SNU13: variants seen among roughly 807,000 people sequenced by gnomAD.
SNU13 encodes small nuclear ribonucleoprotein 13, also known as NHP2-like protein 1.
In SNU13, 2 loss-of-function variants were observed where a neutral mutation model predicts 12.4. That is an observed-to-expected ratio of 0.16 (90% CI 0.07 to 0.51). The LOEUF (loss-of-function observed/expected upper bound fraction) is 0.51. Ranked by LOEUF, SNU13 falls within the 20% of genes least tolerant of loss-of-function variation. SNU13 has a pLI of 0.96. For missense variants in SNU13, 66 were observed against 157.8 expected (o/e 0.42, Z 3.12); for synonymous variants, 68 against 66.5 (o/e 1.02, Z -0.11).
At chr22:41,678,257 G>A (rs1601570271) in intron 2 of SNU13, among the ~76,000 whole-genome samples, 1 of 151,972 alleles carries the variant, frequency 6.6e-6, no homozygotes, top group Non-Finnish European at 1.5e-5. Flanking sequence ...TTACAGGTGT[G>A]AGCCACCGCG....
intron 1 of SNU13, among the ~76,000 whole-genome samples, chr22:41,684,415 T>C (rs2068293244): frequency 6.6e-6 from 1 of 152,208 alleles, no homozygotes; most frequent in Non-Finnish European, 1.5e-5. Context: ...TCCCTAGCAT[T>C]AGCATCTTAG....
At chr22:41,682,267 A>T in intron 1 of SNU13, 1 of 1,399,806 alleles carries the variant, frequency 7.1e-7, no homozygotes, top group Non-Finnish European at 1.0e-6. Flanking sequence ...CCGTTTTTTT[A>T]CAGCTTTTCT....
chr22:41,682,520 T>C lies in SNU13; in HGVS notation c.4-2156A>G, dbSNP rs1417680615. ...GGAAGTGACGTCCAGGGCCAGCCCG[T>C]ACACCAGGACGCCCTGTCTTCTACG... On this transcript the variant is annotated intron_variant, in intron 1 of 2. Transcript: ENST00000401959. The C allele has an allele frequency of 5.2e-6, 8 of 1,528,550 alleles. No homozygotes were observed. The African/African-American group carries it at 8.2e-5, about 16-fold the overall frequency. 94.7% of individuals were successfully genotyped at this position (1,528,550 alleles called of 1,614,324 possible).
At chr22:41,689,582 C>G (rs565821450), upstream of SNU13, among the ~76,000 whole-genome samples, 3 of 151,824 alleles carry the variant, frequency 2.0e-5, no homozygotes, top group African/African-American at 7.3e-5. Context: ...AGGAGAATGC[C>G]GTGAACCCCG....
rs1024854181 is a variant in SNU13, at chr22:41,686,038, G to A, written c.3+2756C>T. ...TTGCCCTGGGTGGTCTCCAATTCCT[G>A]GGCTAAAGAGATTCTCTCGCCTCAG... On this transcript the variant is annotated intron_variant, in intron 1 of 2. Coordinates refer to ENST00000401959, the MANE Select transcript of SNU13 (RefSeq NM_001003796.2). Among the ~76,000 whole-genome samples the A allele has an allele frequency of 2.6e-5, 4 of 151,688 alleles. No individual in the cohort carries two copies. In the South Asian group the frequency reaches 6.2e-4, roughly 24 times the overall value.
rs138867417 is a variant in SNU13, at chr22:41,688,659, T to G, written c.3+135A>C. 1.4e-4 allele frequency: 186 copies of G among 1,286,048 alleles called. No homozygotes were observed. The East Asian group carries it at 3.2e-3, about 22-fold the overall frequency. 79.7% of individuals were successfully genotyped at this position (1,286,048 alleles called of 1,614,324 possible). A position where few individuals can be genotyped will look rare whatever the true frequency, so the allele number is the denominator to read the frequency against. On this transcript the variant is annotated intron_variant, in intron 1 of 2. Transcript: ENST00000401959. ...ACCCCGCCGCTGCTGGGGTTCTAACTAAGGGCCCGGCGGTTAAGACCCAAC... is the reference window on the plus strand; with the variant it reads ...ACCCCGCCGCTGCTGGGGTTCTAACGAAGGGCCCGGCGGTTAAGACCCAAC...
upstream of SNU13, chr22:41,689,365 TCA>T (rs2068341199): frequency 5.3e-5 from 1 of 18,854 alleles, no homozygotes. Context: ...AGCGAGACTC[TCA>T]AAAAAAAAAA....
chr22:41,675,250 C>T (rs1484567178), intron 2 of SNU13, 55 bp from the exon 3 acceptor site: 2 of 1,586,282 alleles, frequency 1.3e-6, no homozygotes, highest in Non-Finnish European at 1.7e-6. Context: ...GCAGGGCAGC[C>T]ACAACAAACT....
At chr22:41,687,785 C>G (rs768333332) in intron 1 of SNU13, 1 of 152,224 alleles carries the variant, frequency 6.6e-6, no homozygotes, top group African/African-American at 2.4e-5. Flanking sequence ...TCACAACACC[C>G]TCATGCACTG....
chr22:41,689,625 C>T (rs575848032), upstream of SNU13, among the ~76,000 whole-genome samples: 3 of 150,536 alleles, frequency 2.0e-5, no homozygotes, highest in African/African-American at 7.3e-5. Context: ...GAGATCGCAC[C>T]ACTGCACACT....
At chr22:41,690,007 T>G (rs1280537385), upstream of SNU13, among the ~76,000 whole-genome samples, 2 of 151,738 alleles carry the variant, frequency 1.3e-5, no homozygotes, top group Non-Finnish European at 2.9e-5. Flanking sequence ...TTCCAGCCAC[T>G]AAACAGTTAA....
In SNU13 at chr22:41,675,428, CTTT is replaced by C. The variant is rs879315245; in HGVS notation, c.125-236_125-234del. On this transcript the variant is annotated intron_variant, in intron 2 of 2. Transcript: ENST00000401959. ...CTGAATCTGACCACTTCTTCTTCTT[CTTT>C]TTTTTTTTTGAGATGGAGTCTTGCT... 2.7e-5 allele frequency among the ~76,000 whole-genome samples: 4 copies of C among 146,696 alleles called. No homozygotes were observed. The East Asian group carries it at 7.9e-4, about 29-fold the overall frequency.
At chr22:41,677,384 G>A (rs2068223282) in intron 2 of SNU13, among the ~76,000 whole-genome samples, 1 of 152,046 alleles carries the variant, frequency 6.6e-6, no homozygotes, top group South Asian at 2.1e-4. Flanking sequence ...AATTAGCCAG[G>A]TGTGGTGGCG....
chr22:41,682,965 G>T (rs879635262), intron 1 of SNU13, among the ~76,000 whole-genome samples: 2 of 151,254 alleles, frequency 1.3e-5, no homozygotes, highest in Non-Finnish European at 2.9e-5. Context: ...TCTTTTTAAT[G>T]TCTATAGAGT....
At chr22:41,684,709 G>C (rs1211720487) in intron 1 of SNU13, among the ~76,000 whole-genome samples, 1 of 152,178 alleles carries the variant, frequency 6.6e-6, no homozygotes, top group African/African-American at 2.4e-5. Context: ...AACGTTCCAT[G>C]TTTGAAGAGT....
chr22:41,681,138 TTAAAG>T (rs968645534), intron 1 of SNU13: 2 of 152,206 alleles, frequency 1.3e-5, no homozygotes, highest in Non-Finnish European at 2.9e-5. Context: ...TTCCAACACA[TTAAAG>T]TATTTCCTCA....
chr22:41,690,327 C>T, upstream of SNU13: 1 of 701,982 alleles, frequency 1.4e-6, no homozygotes, highest in Non-Finnish European at 2.7e-6. Flanking sequence ...TTATATCACC[C>T]CATCACACAT....
chr22:41,688,768 G>C, intron 1 of SNU13, 26 bp downstream of exon 1: 2 of 1,598,758 alleles, frequency 1.3e-6, no homozygotes, highest in Non-Finnish European at 1.7e-6. Flanking sequence ...CCGCTTCCCG[G>C]TCCCTCGGCC....
At position 41,678,322 on chromosome 22, in the gene SNU13, A is replaced by G. The variant is rs1197113593; in HGVS notation, c.124+1922T>C. ...AGGCATAAAACCTATGTCTTTCTCCACTGGAATGTATACTCCAAGAAGGCA... is the reference window on the plus strand; with the variant it reads ...AGGCATAAAACCTATGTCTTTCTCCGCTGGAATGTATACTCCAAGAAGGCA... On this transcript the variant is annotated intron_variant, in intron 2 of 2. Coordinates refer to ENST00000401959, the MANE Select transcript of SNU13 (RefSeq NM_001003796.2). Among the ~76,000 whole-genome samples the G allele has an allele frequency of 7.2e-5, 11 of 152,016 alleles. 1 individual carries two copies. Among genetic ancestry groups the G allele is most frequent in the African/African-American group, 2.7e-4 (11 of 41,378 alleles).
Sources: gnomAD v4.1 joint callset for allele counts (sites outside exome capture counted in the v4.1 genomes callset) on GRCh38, gnomAD v4.1.1 for gene constraint, MANE v1.5 for transcripts, NCBI Gene and HGNC (gene_info 2026-07-23, HGNC 2026-07-21) for gene names.